FRMD4A: variants seen among roughly 807,000 people sequenced by gnomAD.
FRMD4A encodes the protein FERM domain-containing protein 4A.
Under a neutral mutation model 129.1 loss-of-function variants are expected in FRMD4A, and 29 were observed. The observed-to-expected ratio is 0.22, with a 90% CI of 0.17 to 0.31. FRMD4A has a LOEUF of 0.31. FRMD4A is among the 10% of genes least tolerant of loss of function. The pLI, the probability that FRMD4A is intolerant of heterozygous loss-of-function variation, is 1.00. For synonymous variants in FRMD4A, 634 were observed against 571.6 expected (o/e 1.11, Z -1.56); for missense variants, 1,272 against 1,375.8 (o/e 0.92, Z 1.19).
chr10:13,998,620 C>T (rs1169901525), intron 2 of FRMD4A, among the ~76,000 whole-genome samples: 6 of 152,202 alleles, frequency 3.9e-5, no homozygotes, highest in East Asian at 3.8e-4. Flanking sequence ...TCTTGGTAAG[C>T]GTCAGCTGCA....
At chr10:14,179,054 G>C (rs1027023272) in intron 2 of FRMD4A, among the ~76,000 whole-genome samples, 1 of 152,156 alleles carries the variant, frequency 6.6e-6, no homozygotes, top group Admixed American at 6.5e-5. Flanking sequence ...TAGACTAGGA[G>C]CACTTGTAAA....
At chr10:14,090,528 T>C (rs933549823) in intron 2 of FRMD4A, among the ~76,000 whole-genome samples, 1 of 152,032 alleles carries the variant, frequency 6.6e-6, no homozygotes, top group East Asian at 1.9e-4. Flanking sequence ...CAGACACAGG[T>C]GAAGGAGCAC....
intron 3 of FRMD4A, among the ~76,000 whole-genome samples, chr10:13,834,347 C>T (rs531365719): frequency 6.6e-6 from 1 of 152,220 alleles, no homozygotes; most frequent in South Asian, 2.1e-4. Context: ...AAACAAGCAG[C>T]CAGGCAGCCT....
intron 2 of FRMD4A, among the ~76,000 whole-genome samples, chr10:13,949,865 G>A (rs7081208): frequency 0.18 from 27,802 of 152,234 alleles, 3,197 homozygotes; most frequent in Non-Finnish European, 0.27. Flanking sequence ...ATTTCTCAGC[G>A]TCTTGTTTCA....
intron 22 of FRMD4A, 96 bp downstream of exon 22, chr10:13,656,540 C>T: frequency 1.6e-6 from 2 of 1,263,748 alleles, no homozygotes; most frequent in Non-Finnish European, 2.0e-6. Context: ...CCTCACTGCA[C>T]CCAGTCCTAA....
At chr10:14,004,295 C>A (rs888161959) in intron 2 of FRMD4A, among the ~76,000 whole-genome samples, 1 of 152,162 alleles carries the variant, frequency 6.6e-6, no homozygotes, top group Admixed American at 6.5e-5. Flanking sequence ...ATAATCTCAG[C>A]ACTTTGGGAG....
rs563731176 is a variant in FRMD4A, at chr10:13,719,068, G to A, written c.760-11955C>T. ...GTCACTTTCTCAAGGTCACACAGACGCCACATGGTGGGAGGTGACACTTGA... is the reference window on the plus strand; with the variant it reads ...GTCACTTTCTCAAGGTCACACAGACACCACATGGTGGGAGGTGACACTTGA... On this transcript the variant is annotated intron_variant, in intron 12 of 24. Transcript: ENST00000357447. 1.2e-3 allele frequency among the ~76,000 whole-genome samples: 178 copies of A among 152,308 alleles called. 1 individual carries two copies. The highest frequency in any genetic ancestry group is 3.4e-3 in the African/African-American group (141 of 41,568).
At chr10:13,718,605 T>C (rs111521812) in intron 12 of FRMD4A, among the ~76,000 whole-genome samples, 1,784 of 152,358 alleles carry the variant, frequency 0.012, 35 homozygotes, top group African/African-American at 0.039. Flanking sequence ...TGGTCCTATT[T>C]AGAGCTCTGC....
intron 2 of FRMD4A, among the ~76,000 whole-genome samples, chr10:14,218,659 G>C (rs912359514): frequency 6.6e-6 from 1 of 152,096 alleles, no homozygotes; most frequent in Non-Finnish European, 1.5e-5. Context: ...TTCAAGACCA[G>C]GTCCCTCCCA....
chr10:13,742,080 T>C (rs1294213174), intron 9 of FRMD4A, among the ~76,000 whole-genome samples: 4 of 151,964 alleles, frequency 2.6e-5, no homozygotes, highest in African/African-American at 7.3e-5. Flanking sequence ...GGTCTCAAAC[T>C]CCGGGCCTCA....
chr10:14,033,800 G>GAC (rs1221999063), intron 2 of FRMD4A, among the ~76,000 whole-genome samples: 1 of 149,064 alleles, frequency 6.7e-6, no homozygotes, highest in Non-Finnish European at 1.5e-5. Context: ...GAGAGAGAGA[G>GAC]AGACAGAGAG....
intron 2 of FRMD4A, among the ~76,000 whole-genome samples, chr10:13,923,308 A>G (rs559602588): frequency 5.3e-5 from 8 of 152,348 alleles, no homozygotes; most frequent in East Asian, 1.9e-4. Context: ...TCAGGTGTCA[A>G]CAAAACCCAT....
rs187814098 is a variant in FRMD4A, at chr10:13,709,031, C to T, written c.760-1918G>A. Among the ~76,000 whole-genome samples the T allele has an allele frequency of 5.8e-3, 879 of 152,186 alleles. 12 individuals are homozygous for T. Among genetic ancestry groups the T allele is most frequent in the African/African-American group, 0.02 (838 of 41,508 alleles). On this transcript the variant is annotated intron_variant, in intron 12 of 24. Transcript: ENST00000357447. Reference sequence around the variant, plus strand: ...AGGCTGGAGTGCAGTGTCACGATCTCGGCTCACTGCAACCTCTGCCTCTCG... The same window carrying T: ...AGGCTGGAGTGCAGTGTCACGATCTTGGCTCACTGCAACCTCTGCCTCTCG...
chr10:13,799,812 A>C (rs774767123), intron 4 of FRMD4A, among the ~76,000 whole-genome samples: 2 of 151,980 alleles, frequency 1.3e-5, no homozygotes, highest in Non-Finnish European at 2.9e-5. Context: ...TTTCTTTCAA[A>C]CTTCTCCAGG....
Position 13,833,673 on chromosome 10 carries a change from C to G in FRMD4A, c.112-22765G>C, listed in dbSNP as rs568195041. 2.0e-5 allele frequency among the ~76,000 whole-genome samples: 3 copies of G among 152,080 alleles called. No individual in the cohort carries two copies. In the South Asian group the frequency reaches 6.2e-4, roughly 32 times the overall value. ...ATTGGAGCGTTGTGAGGATCAAAAG[C>G]CTTCTAACAGAGAAAGCCCTTAGAA... is the stretch of plus-strand genomic sequence containing the variant. On this transcript the variant is annotated intron_variant, in intron 3 of 24. Coordinates refer to ENST00000357447, the MANE Select transcript of FRMD4A (RefSeq NM_018027.5).
At chr10:14,138,759 AAAAAAAAG>A (rs535039749) in intron 2 of FRMD4A, among the ~76,000 whole-genome samples, 14 of 144,624 alleles carry the variant, frequency 9.7e-5, no homozygotes, top group South Asian at 6.7e-4. Context: ...CTCCATCTAA[AAAAAAAAG>A]AAAAAAAGAA....
At chr10:13,765,061 A>G (rs1462370664) in intron 6 of FRMD4A, among the ~76,000 whole-genome samples, 1 of 148,406 alleles carries the variant, frequency 6.7e-6, no homozygotes, top group African/African-American at 2.5e-5. Context: ...AAGAGTTTCT[A>G]TTCACTTGCA....
chr10:14,263,606 GA>G (rs973655215), intron 2 of FRMD4A, among the ~76,000 whole-genome samples: 1 of 152,110 alleles, frequency 6.6e-6, no homozygotes, highest in African/African-American at 2.4e-5. Flanking sequence ...CTGTGCCCCA[GA>G]AAGATGCTGC....
Position 14,300,810 on chromosome 10 carries a change from C to T in FRMD4A, c.45+29248G>A, listed in dbSNP as rs560694175. On this transcript the variant is annotated intron_variant, in intron 2 of 24. Coordinates refer to ENST00000357447, the MANE Select transcript of FRMD4A (RefSeq NM_018027.5). ...TAGGTCGGAGGGGAGGTGTTATGCACTGAAGAATTAACATTACCTAAAGAG... is the reference window on the plus strand; with the variant it reads ...TAGGTCGGAGGGGAGGTGTTATGCATTGAAGAATTAACATTACCTAAAGAG... Among the ~76,000 whole-genome samples, 4 of 152,284 alleles carry T rather than the reference C, an allele frequency of 2.6e-5. No homozygotes were observed. In the South Asian group the frequency reaches 6.2e-4, roughly 24 times the overall value.
Sources: gnomAD v4.1 joint callset for allele counts (sites outside exome capture counted in the v4.1 genomes callset) on GRCh38, gnomAD v4.1.1 for gene constraint, MANE v1.5 for transcripts, NCBI Gene and HGNC (gene_info 2026-07-23, HGNC 2026-07-21) for gene names.